SNX29: variants seen among roughly 807,000 people sequenced by gnomAD.
The protein encoded by SNX29 is sorting nexin-29.
A neutral mutation model predicts 102.1 loss-of-function variants in SNX29; 78 were observed. That is an observed-to-expected ratio of 0.76 (90% CI 0.64 to 0.92). The LOEUF (loss-of-function observed/expected upper bound fraction) is 0.92. SNX29 is among the 40% of genes least tolerant of loss of function. SNX29 has a pLI of 0.00. For synonymous variants in SNX29, 580 were observed against 414.5 expected (o/e 1.40, Z -4.85); for missense variants, 1,280 against 1,061.7 (o/e 1.21, Z -2.86).
chr16:11,984,133 G>A (rs919141680), intron 1 of SNX29, among the ~76,000 whole-genome samples: 9 of 151,994 alleles, frequency 5.9e-5, no homozygotes, highest in Non-Finnish European at 1.3e-4. Flanking sequence ...TGGGAGGATC[G>A]CTTGAGCCCA....
At chr16:12,155,156 G>A (rs186237185) in intron 13 of SNX29, among the ~76,000 whole-genome samples, 2 of 152,158 alleles carry the variant, frequency 1.3e-5, no homozygotes, top group Non-Finnish European at 2.9e-5. Flanking sequence ...CCCCTTCCGC[G>A]CCCAGGGGAC....
chr16:12,267,183 G>C (rs569233948), intron 14 of SNX29, among the ~76,000 whole-genome samples: 1 of 152,124 alleles, frequency 6.6e-6, no homozygotes, highest in South Asian at 2.1e-4. Context: ...CATTTGGAAA[G>C]GTTAAAATTT....
At chr16:12,316,969 C>T (rs2080765061) in intron 15 of SNX29, among the ~76,000 whole-genome samples, 1 of 152,198 alleles carries the variant, frequency 6.6e-6, no homozygotes, top group Non-Finnish European at 1.5e-5. Flanking sequence ...AGGGCAGGAG[C>T]CCATCACAGA....
At chr16:11,987,119 C>T (rs1268394591) in intron 1 of SNX29, among the ~76,000 whole-genome samples, 1 of 152,154 alleles carries the variant, frequency 6.6e-6, no homozygotes. Context: ...GGCTGGAGTG[C>T]AGTGGTGCAG....
chr16:12,135,062 A>G (rs1224712410), intron 13 of SNX29, among the ~76,000 whole-genome samples: 1 of 152,170 alleles, frequency 6.6e-6, no homozygotes, highest in Non-Finnish European at 1.5e-5. Context: ...GGGAAGAGCC[A>G]TGTCCCAGCT....
intron 15 of SNX29, among the ~76,000 whole-genome samples, chr16:12,339,369 T>TAAAAAAAAAA (rs2081546941): frequency 5.7e-5 from 1 of 17,570 alleles, no homozygotes; most frequent in African/African-American, 3.9e-4. Context: ...AGATTCTGTC[T>TAAAAAAAAAA]CAAAAAAAAA....
At chr16:12,310,189 T>A (rs1214311966) in intron 15 of SNX29, among the ~76,000 whole-genome samples, 3 of 152,328 alleles carry the variant, frequency 2.0e-5, no homozygotes, top group African/African-American at 7.2e-5. Flanking sequence ...GCTAAAGTTC[T>A]CTCATGTCAG....
chr16:12,548,899 CACTCGGGCTGTAGGTATT>C (rs1220928127), intron 20 of SNX29, among the ~76,000 whole-genome samples: 1 of 152,232 alleles, frequency 6.6e-6, no homozygotes, highest in Non-Finnish European at 1.5e-5. Context: ...TAGCAGCACT[CACTCGGGCTGTAGGTATT>C]CTTCAGTACC....
intron 8 of SNX29, among the ~76,000 whole-genome samples, chr16:12,056,969 A>C (rs1465828175): frequency 6.8e-6 from 1 of 146,290 alleles, no homozygotes; most frequent in Admixed American, 6.9e-5. Flanking sequence ...CTATAGGTAC[A>C]TGCCACCACG....
At chr16:12,434,977 TG>T (rs148724372) in intron 18 of SNX29, among the ~76,000 whole-genome samples, 6 of 52,720 alleles carry the variant, frequency 1.1e-4, no homozygotes, top group South Asian at 7.9e-4. Context: ...TGGGGGGCGG[TG>T]GGGGGGGTTT....
At chr16:12,544,132 C>G (rs187962344) in intron 20 of SNX29, among the ~76,000 whole-genome samples, 43 of 152,308 alleles carry the variant, frequency 2.8e-4, no homozygotes, top group African/African-American at 9.1e-4. Flanking sequence ...GTCCATAACC[C>G]TATATTCACC....
At chr16:12,192,455 A>C (rs2076666680) in intron 13 of SNX29, among the ~76,000 whole-genome samples, 1 of 152,012 alleles carries the variant, frequency 6.6e-6, no homozygotes, top group Non-Finnish European at 1.5e-5. Flanking sequence ...TCCACCCCTC[A>C]TTCCATTTGC....
At chr16:12,034,671 C>A (rs1376079875) in intron 4 of SNX29, among the ~76,000 whole-genome samples, 2 of 152,150 alleles carry the variant, frequency 1.3e-5, no homozygotes, top group Non-Finnish European at 2.9e-5. Flanking sequence ...TGGAGCTGGA[C>A]TGATACCTAT....
intron 16 of SNX29, among the ~76,000 whole-genome samples, chr16:12,391,870 A>G (rs191982374): frequency 2.6e-5 from 4 of 152,298 alleles, no homozygotes; most frequent in African/African-American, 9.6e-5. Context: ...CTTTCGATTT[A>G]AAATTGCGTG....
chr16:12,032,202 TC>T (rs374159710), intron 4 of SNX29, among the ~76,000 whole-genome samples: 4,290 of 143,216 alleles, frequency 0.03, 195 homozygotes, highest in African/African-American at 0.087. Flanking sequence ...TTCTTCTTCT[TC>T]TTTTTTTTTT....
chr16:12,530,360 G>C (rs935685048), intron 20 of SNX29, among the ~76,000 whole-genome samples: 3 of 152,146 alleles, frequency 2.0e-5, no homozygotes, highest in African/African-American at 7.2e-5. Flanking sequence ...TTTAGGGAAA[G>C]TGATGAAGTT....
At chr16:12,165,604 A>AGACTGGAGTGCAGTGTTGCAATCTTGGCC (rs2055984393) in intron 13 of SNX29, among the ~76,000 whole-genome samples, 2 of 152,236 alleles carry the variant, frequency 1.3e-5, no homozygotes, top group African/African-American at 4.8e-5. Context: ...TCTGTCACCC[A>AGACTGGAGTGCAGTGTTGCAATCTTGGCC]GACTGGAGTG....
intron 11 of SNX29, among the ~76,000 whole-genome samples, chr16:12,122,233 T>G (rs996575026): frequency 1.3e-5 from 2 of 152,200 alleles, no homozygotes; most frequent in Admixed American, 6.5e-5. Context: ...TTGGGCCAGA[T>G]GCCTCTGTCG....
intron 16 of SNX29, among the ~76,000 whole-genome samples, chr16:12,388,868 AG>A (rs2083428513): frequency 6.6e-6 from 1 of 152,188 alleles, no homozygotes; most frequent in Non-Finnish European, 1.5e-5. Flanking sequence ...TATTTGCAAG[AG>A]GACATTTAAG....
Sources: allele counts gnomAD v4.1 joint callset (sites outside exome capture counted in the v4.1 genomes callset), GRCh38; gene constraint gnomAD v4.1.1; transcripts MANE v1.5; gene names NCBI Gene and HGNC (gene_info 2026-07-23, HGNC 2026-07-21).